VTI1A: variants seen among roughly 807,000 people sequenced by gnomAD.
The protein encoded by VTI1A is vesicle transport through interaction with t-SNAREs homolog 1A.
VTI1A carries 22 observed loss-of-function variants against 34.9 expected under a neutral mutation model. The ratio of observed to expected loss-of-function variants is 0.63; its 90% CI spans 0.45 to 0.90. The LOEUF is 0.90. VTI1A is among the 40% of genes least tolerant of loss of function. VTI1A has a pLI of 0.00. For synonymous variants in VTI1A, 87 were observed against 97.3 expected (o/e 0.89, Z 0.62); for missense variants, 268 against 275.6 (o/e 0.97, Z 0.20).
chr10:112,669,330 C>G lies in VTI1A; in HGVS notation c.560+332C>G, dbSNP rs144915577. Among the ~76,000 whole-genome samples the G allele has an allele frequency of 1.4e-4, 22 of 152,260 alleles. No individual in the cohort carries two copies. In the East Asian group the frequency reaches 4.1e-3, roughly 28 times the overall value. On this transcript the variant is annotated intron_variant, in intron 7 of 7. Transcript: ENST00000393077. ...TATTTTCTATTTCGATGGCCTTCTT[C>G]TTATGGAGGGAATGCAGACCTACCA... is the stretch of plus-strand genomic sequence containing the variant.
intron 7 of VTI1A, among the ~76,000 whole-genome samples, chr10:112,678,561 G>A (rs891298897): frequency 5.3e-5 from 8 of 152,160 alleles, no homozygotes; most frequent in Admixed American, 3.3e-4. Context: ...TATAAATCGA[G>A]AGTTAGGGCT....
intron 3 of VTI1A, among the ~76,000 whole-genome samples, chr10:112,516,083 G>A (rs1849762838): frequency 6.6e-6 from 1 of 152,068 alleles, no homozygotes; most frequent in Non-Finnish European, 1.5e-5. Flanking sequence ...TTGCCTAACA[G>A]TACAATTTGG....
intron 5 of VTI1A, among the ~76,000 whole-genome samples, chr10:112,605,671 T>C (rs1845051020): frequency 6.6e-6 from 1 of 152,160 alleles, no homozygotes. Flanking sequence ...AAGGCCACTA[T>C]CTACCTACCC....
chr10:112,645,827 C>T (rs1846757250), intron 5 of VTI1A, among the ~76,000 whole-genome samples: 1 of 151,914 alleles, frequency 6.6e-6, no homozygotes, highest in Non-Finnish European at 1.5e-5. Context: ...TTTTTTGGTG[C>T]ATTTCTACTT....
chr10:112,852,406 G>C, the VTI1A span, among the ~76,000 whole-genome samples: 1 of 152,170 alleles, frequency 6.6e-6, no homozygotes, highest in Non-Finnish European at 1.5e-5. Context: ...AATTATTGCT[G>C]TATCTCTTTC....
chr10:112,476,776 A>G (rs1405266937), intron 3 of VTI1A, among the ~76,000 whole-genome samples: 1 of 152,232 alleles, frequency 6.6e-6, no homozygotes. Context: ...GAAATGACAC[A>G]TCATGATTCC....
At chr10:112,461,079 G>C (rs1042492008) in intron 2 of VTI1A, among the ~76,000 whole-genome samples, 1 of 152,152 alleles carries the variant, frequency 6.6e-6, no homozygotes, top group African/African-American at 2.4e-5. Flanking sequence ...AGAGACAAAA[G>C]ATTTTTATTA....
chr10:112,815,322 T>C lies in VTI1A; in HGVS notation c.593T>C (p.Leu198Pro). 6.2e-7 allele frequency: 1 copy of C among 1,614,034 alleles called. No homozygotes were observed. The highest frequency in any genetic ancestry group is 8.5e-7 in the Non-Finnish European group (1 of 1,179,976). ...IIQNRILLVI[L>P]GIIVVITILM... is the part of the protein sequence containing the mutation. Reference sequence around the variant, plus strand: ...CAGAACCGCATCCTGCTCGTCATCCTAGGGATCATCGTGGTCATCACCATC... The same window carrying C: ...CAGAACCGCATCCTGCTCGTCATCCCAGGGATCATCGTGGTCATCACCATC... Residue 198 changes from leucine to proline, a missense_variant, in exon 8 of 8, where the codon CTA becomes CCA. Coordinates refer to ENST00000393077, the MANE Select transcript of VTI1A (RefSeq NM_145206.4).
At chr10:112,537,884 A>G (rs1300365198) in intron 4 of VTI1A, among the ~76,000 whole-genome samples, 1 of 152,222 alleles carries the variant, frequency 6.6e-6, no homozygotes, top group African/African-American at 2.4e-5. Flanking sequence ...ATAAAAAATA[A>G]ATACAAATAG....
rs1853526365 is a variant in VTI1A at position 112,816,507 on chromosome 10, T to G, written c.*1124T>G. ...GCAAGCCTTTCTTGAATTCACTATG[T>G]ATTCAAACTTCTAATATGCTTTGTG... On this transcript the variant is annotated 3_prime_UTR_variant, in exon 8 of 8. Coordinates refer to ENST00000393077, the MANE Select transcript of VTI1A (RefSeq NM_145206.4). 1 of 223,170 alleles carries G rather than the reference T, an allele frequency of 4.5e-6. No homozygotes were observed. The highest frequency in any genetic ancestry group is 2.2e-5 in the African/African-American group (1 of 44,814). The allele number at this position is 223,170 out of a possible 1,614,324, so 13.8% of individuals were successfully genotyped here.
At chr10:112,634,521 A>T (rs397693415) in intron 5 of VTI1A, among the ~76,000 whole-genome samples, 14 of 59,580 alleles carry the variant, frequency 2.3e-4, no homozygotes, top group East Asian at 1.3e-3. Context: ...ACATACACAC[A>T]CACACACACA....
chr10:112,765,662 A>G (rs1162236327), intron 7 of VTI1A, among the ~76,000 whole-genome samples: 1 of 152,250 alleles, frequency 6.6e-6, no homozygotes, highest in East Asian at 1.9e-4. Flanking sequence ...GGAAACAGAC[A>G]TTAATCAAAT....
chr10:112,695,377 T>A (rs1019694896), intron 7 of VTI1A, among the ~76,000 whole-genome samples: 1 of 152,162 alleles, frequency 6.6e-6, no homozygotes, highest in Admixed American at 6.5e-5. Flanking sequence ...AAATGACATT[T>A]TTTTTTAAGG....
At chr10:112,687,674 A>G (rs1345153486) in intron 7 of VTI1A, among the ~76,000 whole-genome samples, 2 of 152,124 alleles carry the variant, frequency 1.3e-5, no homozygotes, top group Non-Finnish European at 2.9e-5. Flanking sequence ...ATCTCTGGGC[A>G]CTGGGGTTCA....
the VTI1A span, among the ~76,000 whole-genome samples, chr10:112,830,189 T>C: frequency 6.6e-6 from 1 of 152,114 alleles, no homozygotes; most frequent in African/African-American, 2.4e-5. Context: ...AATCAGATCA[T>C]AGAGCCTTCT....
intron 7 of VTI1A, among the ~76,000 whole-genome samples, chr10:112,736,291 T>C (rs1346477358): frequency 6.6e-6 from 1 of 152,020 alleles, no homozygotes; most frequent in African/African-American, 2.4e-5. Context: ...CCTTTCTTCA[T>C]TTATTTACTT....
chr10:112,629,363 T>C (rs746658774), intron 5 of VTI1A, among the ~76,000 whole-genome samples: 2 of 152,248 alleles, frequency 1.3e-5, no homozygotes, highest in Non-Finnish European at 2.9e-5. Flanking sequence ...TCCTACACTA[T>C]TCCTCCTATC....
the VTI1A span, among the ~76,000 whole-genome samples, chr10:112,844,621 ACTC>A: frequency 6.6e-6 from 1 of 151,556 alleles, no homozygotes; most frequent in African/African-American, 2.4e-5. Flanking sequence ...CTGGTCTTGA[ACTC>A]CTGACCTCAG....
At chr10:112,525,755 T>C (rs1364324861) in intron 3 of VTI1A, among the ~76,000 whole-genome samples, 2 of 149,492 alleles carry the variant, frequency 1.3e-5, no homozygotes. Flanking sequence ...GGAAAAGTTG[T>C]AACTTCAGAA....
Sources: gnomAD v4.1 joint callset for allele counts (sites outside exome capture counted in the v4.1 genomes callset) on GRCh38, gnomAD v4.1.1 for gene constraint, MANE v1.5 for transcripts, NCBI Gene and HGNC (gene_info 2026-07-23, HGNC 2026-07-21) for gene names.